DNAJC1: variants seen among roughly 807,000 people sequenced by gnomAD.
DNAJC1 encodes dnaJ homolog subfamily C member 1.
A neutral mutation model predicts 76.6 loss-of-function variants in DNAJC1; 58 were observed. The ratio of observed to expected loss-of-function variants is 0.76; its 90% confidence interval spans 0.61 to 0.94. DNAJC1 has a LOEUF of 0.94. Among genes scored for constraint, DNAJC1 ranks in the 40% least tolerant of loss-of-function variants. The pLI, the probability that DNAJC1 is intolerant of heterozygous loss-of-function variation, is 0.00. For synonymous variants in DNAJC1, 258 were observed against 267.9 expected, an observed-to-expected ratio of 0.96 and a Z score of 0.36; for missense variants, 689 against 677.3, an observed-to-expected ratio of 1.02 and a Z score of -0.19.
chr10:21,944,180 T>C (rs1564834546), intron 1 of DNAJC1, among the ~76,000 whole-genome samples: 1 of 151,670 alleles, frequency 6.6e-6, no homozygotes, highest in African/African-American at 2.4e-5. Context: ...GTTTTTTTTT[T>C]TTCATATTAT....
At chr10:21,772,293 T>TC (rs71510911) in intron 9 of DNAJC1, among the ~76,000 whole-genome samples, 3 of 149,220 alleles carry the variant, frequency 2.0e-5, no homozygotes, top group Non-Finnish European at 4.5e-5. Flanking sequence ...TTTTTTTTTT[T>TC]GAGAGCACTG....
chr10:21,832,443 T>A (rs1835374412), intron 8 of DNAJC1, among the ~76,000 whole-genome samples: 1 of 152,224 alleles, frequency 6.6e-6, no homozygotes, highest in African/African-American at 2.4e-5. Context: ...CCCATTTGCA[T>A]CATAAACTTA....
chr10:21,913,839 C>T (rs1194964402), intron 6 of DNAJC1, among the ~76,000 whole-genome samples: 5 of 152,108 alleles, frequency 3.3e-5, no homozygotes, highest in Non-Finnish European at 7.4e-5. Context: ...GATTTAAGCC[C>T]TCTGTTGATA....
At chr10:21,998,883 T>C (rs1206898116) in intron 1 of DNAJC1, among the ~76,000 whole-genome samples, 1 of 152,206 alleles carries the variant, frequency 6.6e-6, no homozygotes, top group Non-Finnish European at 1.5e-5. Context: ...ATTCAATAAA[T>C]ATTTAGGTGT....
At chr10:21,859,252 C>T (rs1329546158) in intron 8 of DNAJC1, among the ~76,000 whole-genome samples, 6 of 152,042 alleles carry the variant, frequency 3.9e-5, no homozygotes, top group African/African-American at 1.4e-4. Flanking sequence ...GCCGATTGAG[C>T]CATGAAAGAT....
chr10:21,801,878 C>G (rs534478215), intron 9 of DNAJC1, among the ~76,000 whole-genome samples: 1 of 152,214 alleles, frequency 6.6e-6, no homozygotes, highest in South Asian at 2.1e-4. Flanking sequence ...CCTTAGCAAA[C>G]TAACGCAGGA....
intron 9 of DNAJC1, among the ~76,000 whole-genome samples, chr10:21,797,887 C>T (rs1466672249): frequency 6.6e-6 from 1 of 152,164 alleles, no homozygotes; most frequent in Non-Finnish European, 1.5e-5. Flanking sequence ...CTCAGGTAGT[C>T]TGTTACACCA....
chr10:21,971,627 A>G (rs916297080), intron 1 of DNAJC1, among the ~76,000 whole-genome samples: 1 of 151,910 alleles, frequency 6.6e-6, no homozygotes, highest in African/African-American at 2.4e-5. Context: ...TGTCACAACA[A>G]ATTTCTGCTC....
Position 21,793,293 on chromosome 10 carries a change from G to A in DNAJC1, c.1098+12687C>T, listed in dbSNP as rs149001296. On this transcript the variant is annotated intron_variant, in intron 9 of 11. Transcript: ENST00000376980. ...TGCTCTCCAGCCTGGGCAACTGGGC[G>A]CTCCATCTCAGGGGTTGGGGGGCCG... 1.8e-3 allele frequency among the ~76,000 whole-genome samples: 269 copies of A among 152,224 alleles called. No individual in the cohort carries two copies. In the Middle Eastern group the frequency reaches 0.024, roughly 13 times the overall value.
At chr10:21,842,985 A>C (rs1237080216) in intron 8 of DNAJC1, among the ~76,000 whole-genome samples, 1 of 152,194 alleles carries the variant, frequency 6.6e-6, no homozygotes, top group Admixed American at 6.5e-5. Flanking sequence ...TTATTAGTTG[A>C]ATAAATAAAA....
intron 1 of DNAJC1, among the ~76,000 whole-genome samples, chr10:21,941,476 T>C (rs1477410138): frequency 6.6e-6 from 1 of 152,068 alleles, no homozygotes; most frequent in African/African-American, 2.4e-5. Context: ...AATATCTCTT[T>C]ATCTAAAGAG....
chr10:21,987,664 T>C (rs1024674529), intron 1 of DNAJC1, among the ~76,000 whole-genome samples: 1 of 152,230 alleles, frequency 6.6e-6, no homozygotes, highest in Non-Finnish European at 1.5e-5. Context: ...CAATAGATTA[T>C]AGGTTAAAGC....
chr10:21,867,734 T>TA (rs1197342566), intron 8 of DNAJC1, among the ~76,000 whole-genome samples: 4 of 152,000 alleles, frequency 2.6e-5, no homozygotes, highest in Non-Finnish European at 5.9e-5. Context: ...ATCACACACC[T>TA]ACCAGTATTA....
chr10:21,914,240 C>T (rs947628377), intron 6 of DNAJC1, among the ~76,000 whole-genome samples: 1 of 152,122 alleles, frequency 6.6e-6, no homozygotes, highest in Non-Finnish European at 1.5e-5. Context: ...AGTATAATAG[C>T]TTTTCACTGT....
At position 21,966,880 on chromosome 10, in the gene DNAJC1, T is replaced by C. The variant is rs371614389; in HGVS notation, c.222+36333A>G. ...TTTTGTATTTTGGGTAGATACAGCA[T>C]TTCACCACGTTGCCCAGGCTGGTCT... is the stretch of plus-strand genomic sequence containing the variant. On this transcript the variant is annotated intron_variant, in intron 1 of 11. Transcript: ENST00000376980. 3.2e-4 allele frequency among the ~76,000 whole-genome samples: 49 copies of C among 152,090 alleles called. No individual in the cohort carries two copies. The East Asian group carries it at 9.1e-3, about 28-fold the overall frequency.
intron 8 of DNAJC1, among the ~76,000 whole-genome samples, chr10:21,845,614 G>T (rs1835646000): frequency 6.6e-6 from 1 of 152,122 alleles, no homozygotes; most frequent in South Asian, 2.1e-4. Context: ...TGGGATTACA[G>T]ACATGAGCCA....
chr10:21,822,891 A>ATAT (rs1835183912), intron 8 of DNAJC1, among the ~76,000 whole-genome samples: 1 of 151,624 alleles, frequency 6.6e-6, no homozygotes. Context: ...CAGTTTTGTT[A>ATAT]TATTATCTAG....
At chr10:21,761,187 CAACA>C (rs1024842066) in intron 10 of DNAJC1, among the ~76,000 whole-genome samples, 2 of 151,572 alleles carry the variant, frequency 1.3e-5, no homozygotes, top group African/African-American at 4.8e-5. Flanking sequence ...CTCAAAACAA[CAACA>C]AAAAAGGGGG....
chr10:21,922,289 C>T (rs1777785145), intron 3 of DNAJC1, among the ~76,000 whole-genome samples: 1 of 151,926 alleles, frequency 6.6e-6, no homozygotes, highest in Non-Finnish European at 1.5e-5. Flanking sequence ...TTACAGGCAA[C>T]TTCTTTTTTC....
Sources: allele counts gnomAD v4.1 joint callset (sites outside exome capture counted in the v4.1 genomes callset), GRCh38; gene constraint gnomAD v4.1.1; transcripts MANE v1.5; gene names NCBI Gene and HGNC (gene_info 2026-07-23, HGNC 2026-07-21).